KSR1: variants seen among roughly 807,000 people sequenced by gnomAD.
The protein encoded by KSR1 is kinase suppressor of ras.
A neutral mutation model predicts 92.9 loss-of-function variants in KSR1; 35 were observed. That is an observed-to-expected ratio of 0.38 (90% confidence interval 0.29 to 0.50). The LOEUF is 0.50. Ranked by LOEUF, KSR1 falls within the 20% of genes least tolerant of loss-of-function variation. The pLI is 0.94. For missense variants in KSR1, 972 were observed against 1,158.5 expected (o/e 0.84, Z 2.34); for synonymous variants, 467 against 472.6 (o/e 0.99, Z 0.15).
At chr17:27,494,169 A>G (rs2068909040) in intron 1 of KSR1, among the ~76,000 whole-genome samples, 1 of 152,202 alleles carries the variant, frequency 6.6e-6, no homozygotes, top group African/African-American at 2.4e-5. Context: ...AAAATTACAA[A>G]GAGCTTCCAG....
In KSR1 at chr17:27,605,757, C is replaced by T. The variant is rs970281830; in HGVS notation, c.1938C>T (p.Asn646=). The T allele has an allele frequency of 1.6e-5, 26 of 1,612,642 alleles. No homozygotes were observed. Among genetic ancestry groups the T allele is most frequent in the African/African-American group, 4.0e-5 (3 of 74,938 alleles). Residue 646 remains asparagine, a synonymous_variant, in exon 14 of 21, where the codon AAC becomes AAT. Transcript: ENST00000644974. Reference sequence around the variant, plus strand: ...ACTACCGGCAGACGCGGCATGAGAACGTGGTGCTCTTCATGGGGGCCTGCA... The same window carrying T: ...ACTACCGGCAGACGCGGCATGAGAATGTGGTGCTCTTCATGGGGGCCTGCA... ...VMNYRQTRHE[N]VVLFMGACMN... is the part of the protein sequence containing the mutation.
intron 1 of KSR1, among the ~76,000 whole-genome samples, chr17:27,477,097 T>C (rs923920160): frequency 2.6e-5 from 4 of 152,224 alleles, no homozygotes; most frequent in Non-Finnish European, 4.4e-5. Flanking sequence ...CCATGGTATA[T>C]GTAAAGTGTC....
intron 19 of KSR1, among the ~76,000 whole-genome samples, chr17:27,618,728 C>T (rs907122975): frequency 6.6e-5 from 10 of 152,126 alleles, no homozygotes; most frequent in African/African-American, 2.2e-4. Context: ...TATTTTTGCC[C>T]CCCAACCATG....
intron 20 of KSR1, chr17:27,622,258 T>C: frequency 5.0e-6 from 2 of 399,946 alleles, no homozygotes; most frequent in Admixed American, 4.3e-5. Flanking sequence ...AGGGCTGGTC[T>C]TGTTTTTGTT....
Position 27,588,501 on chromosome 17 carries a change from G to A in KSR1, c.1012G>A (p.Val338Ile). The A allele has an allele frequency of 5.7e-6, 9 of 1,592,212 alleles. No homozygotes were observed. Among genetic ancestry groups the A allele is most frequent in the Non-Finnish European group, 7.7e-6 (9 of 1,169,672 alleles). The change falls in exon 6 of 21, where the codon GTA (valine) becomes ATA (isoleucine). Residue 338 changes from valine (V) to isoleucine (I), a missense_variant. Physicochemically the swap from Val to Ile is conservative, Grantham distance 29. Coordinates refer to ENST00000644974, the MANE Select transcript of KSR1 (RefSeq NM_001394583.1). The stretch of plus-strand genomic sequence containing the variant: ...TCTCTCGCATGGATCCCCACAGATG[G>A]TACGGAGGGATATCGGGCTGTCGGT... ...FDLSHGSPQM[V>I]RRDIGLSVTH...
At chr17:27,539,685 T>C (rs1282030384) in intron 1 of KSR1, among the ~76,000 whole-genome samples, 1 of 152,118 alleles carries the variant, frequency 6.6e-6, no homozygotes, top group Non-Finnish European at 1.5e-5. Flanking sequence ...GTAAAGTGGG[T>C]GTCTTTCTTT....
chr17:27,513,372 C>T (rs1483182690), intron 1 of KSR1, among the ~76,000 whole-genome samples: 1 of 152,090 alleles, frequency 6.6e-6, no homozygotes, highest in South Asian at 2.1e-4. Flanking sequence ...AGGAGGATCA[C>T]CTGAGCCCAG....
At chr17:27,500,666 G>A (rs2150979859) in intron 1 of KSR1, among the ~76,000 whole-genome samples, 1 of 152,350 alleles carries the variant, frequency 6.6e-6, no homozygotes, top group East Asian at 1.9e-4. Flanking sequence ...CTGAAAATTT[G>A]GGAGAAATTG....
At chr17:27,599,068 A>G (rs2073451014) in intron 10 of KSR1, among the ~76,000 whole-genome samples, 1 of 152,232 alleles carries the variant, frequency 6.6e-6, no homozygotes, top group South Asian at 2.1e-4. Flanking sequence ...AGCATCATAG[A>G]GCGCACTTAC....
chr17:27,617,306 G>A lies in KSR1; in HGVS notation c.2505G>A (p.Ser835=), dbSNP rs541473848. ...SLGKEVSEIL[S]ACWAFDLQER... Reference sequence around the variant, plus strand: ...AGCTCCATTTGCAGGAGATCCTGTCGGCCTGCTGGGCTTTCGACCTGCAGG... The same window carrying A: ...AGCTCCATTTGCAGGAGATCCTGTCAGCCTGCTGGGCTTTCGACCTGCAGG... The change falls in exon 19 of 21, where the codon TCG becomes TCA. Residue 835 remains serine (S), a synonymous_variant. Coordinates refer to ENST00000644974, the MANE Select transcript of KSR1 (RefSeq NM_001394583.1). 56 of 1,606,678 alleles carry A rather than the reference G, an allele frequency of 3.5e-5. No homozygotes were observed. The highest frequency in any genetic ancestry group is 3.3e-4 in the Middle Eastern group (2 of 6,048).
chr17:27,535,134 C>T (rs924938096), intron 1 of KSR1, among the ~76,000 whole-genome samples: 4 of 151,718 alleles, frequency 2.6e-5, no homozygotes, highest in African/African-American at 9.7e-5. Context: ...AATTTAAAAT[C>T]ATGCTTTCCT....
At position 27,564,289 on chromosome 17, in the gene KSR1, C is replaced by T. The variant is rs577071517; in HGVS notation, c.373-13203C>T. Among the ~76,000 whole-genome samples, 6 of 152,296 alleles carry T rather than the reference C, an allele frequency of 3.9e-5. No homozygotes were observed. The East Asian group carries it at 1.2e-3, about 29-fold the overall frequency. ...TATAGGCGTGAGCCCCCGCACCTGG[C>T]CTTCAGTAGCTATTTGTTGACTGGA... On this transcript the variant is annotated intron_variant, in intron 2 of 20. Coordinates refer to ENST00000644974, the MANE Select transcript of KSR1 (RefSeq NM_001394583.1).
At chr17:27,529,846 G>A (rs779778165) in intron 1 of KSR1, among the ~76,000 whole-genome samples, 64 of 152,196 alleles carry the variant, frequency 4.2e-4, no homozygotes, top group Non-Finnish European at 7.3e-4. Flanking sequence ...CTCACAGCCT[G>A]TGTGTATCTG....
At chr17:27,517,603 A>G (rs567295892) in intron 1 of KSR1, among the ~76,000 whole-genome samples, 4 of 152,320 alleles carry the variant, frequency 2.6e-5, no homozygotes, top group South Asian at 4.1e-4. Flanking sequence ...GCTGATAATA[A>G]TTCTTTCATT....
At chr17:27,540,139 G>A (rs1368720456) in intron 1 of KSR1, among the ~76,000 whole-genome samples, 1 of 152,262 alleles carries the variant, frequency 6.6e-6, no homozygotes, top group Non-Finnish European at 1.5e-5. Context: ...AGTGGGAACA[G>A]GTGATTTATG....
chr17:27,509,587 C>T (rs990922388), intron 1 of KSR1, among the ~76,000 whole-genome samples: 1 of 152,136 alleles, frequency 6.6e-6, no homozygotes, highest in Non-Finnish European at 1.5e-5. Flanking sequence ...CCACGCCTGG[C>T]GACTCAGGAG....
chr17:27,584,921 C>T (rs1442424183), intron 4 of KSR1, among the ~76,000 whole-genome samples: 2 of 152,166 alleles, frequency 1.3e-5, no homozygotes, highest in African/African-American at 2.4e-5. Context: ...TCCAGCCACA[C>T]CCTTGCCAAC....
intron 9 of KSR1, among the ~76,000 whole-genome samples, chr17:27,593,686 GTA>G (rs2073245380): frequency 6.6e-6 from 1 of 152,258 alleles, no homozygotes; most frequent in Admixed American, 6.5e-5. Context: ...CCCTCTGGTG[GTA>G]GCTTCTCACC....
intron 10 of KSR1, among the ~76,000 whole-genome samples, chr17:27,598,621 T>C (rs1159878939): frequency 4.6e-5 from 7 of 152,232 alleles, no homozygotes; most frequent in Non-Finnish European, 7.3e-5. Flanking sequence ...TGCTCTGTCT[T>C]TATTATGCTC....
Sources: allele counts gnomAD v4.1 joint callset (sites outside exome capture counted in the v4.1 genomes callset), GRCh38; gene constraint gnomAD v4.1.1; transcripts MANE v1.5; gene names NCBI Gene and HGNC (gene_info 2026-07-23, HGNC 2026-07-21).